Variants in RNF208 observed in about 807,000 individuals in gnomAD.
The protein encoded by RNF208 is ring finger protein 208.
In RNF208, 7 loss-of-function variants were observed where a neutral mutation model predicts 15.2. The observed-to-expected ratio is 0.46, with a 90% confidence interval of 0.26 to 0.86. RNF208 has a LOEUF of 0.86. Ranked by LOEUF, RNF208 falls within the 40% of genes least tolerant of loss-of-function variation. RNF208 has a pLI of 0.16. For synonymous variants in RNF208, 211 were observed against 163.2 expected (o/e 1.29, Z -2.23); for missense variants, 342 against 364.1 (o/e 0.94, Z 0.49).
At chr9:137,223,073 C>T (rs1484184522), upstream of RNF208, among the ~76,000 whole-genome samples, 2 of 152,244 alleles carry the variant, frequency 1.3e-5, no homozygotes, top group African/African-American at 2.4e-5. Context: ...CTGGCCAGAC[C>T]GCACCTGCTC....
rs1467849159 is a variant in RNF208, at chr9:137,220,385, G to A, written c.*42C>T. On this transcript the variant is annotated 3_prime_UTR_variant, in exon 2 of 2. Coordinates refer to ENST00000391553, the MANE Select transcript of RNF208 (RefSeq NM_031297.7). ...GCAGGGCCGGGTCCCTGAAGAAGCA[G>A]CGAGCGAGGCTCAGCGGGCAGTGGC... 3.3e-6 allele frequency: 5 copies of A among 1,511,338 alleles called. No homozygotes were observed. Among genetic ancestry groups the A allele is most frequent in the Non-Finnish European group, 4.4e-6 (5 of 1,128,452 alleles). The allele number at this position is 1,511,338 out of a possible 1,614,324, so 93.6% of individuals were successfully genotyped here. A position where few individuals can be genotyped will look rare whatever the true frequency, so the allele number is the denominator to read the frequency against.
upstream of RNF208, among the ~76,000 whole-genome samples, chr9:137,222,311 G>A (rs1029050481): frequency 3.4e-5 from 5 of 148,674 alleles, no homozygotes; most frequent in Admixed American, 3.3e-4. Context: ...CCCGTCTGGG[G>A]ACCCGCGCGG....
At chr9:137,222,582 GGGCCCACCGGTGCCTTCCCCCGTCCCC>G (rs1365568033), upstream of RNF208, among the ~76,000 whole-genome samples, 3 of 152,230 alleles carry the variant, frequency 2.0e-5, no homozygotes, top group African/African-American at 4.8e-5. Context: ...GCTGGTTCCA[GGGCCCACCGGTGCCTTCCCCCGTCCCC>G]GGCCCCCCGC....
Position 137,220,266 on chromosome 9 carries a change from AAG to A in RNF208, c.*159_*160del. 7.4e-6 allele frequency: 6 copies of A among 810,136 alleles called. No individual in the cohort carries two copies. Among genetic ancestry groups the A allele is most frequent in the Non-Finnish European group, 9.5e-6 (5 of 528,324 alleles). The allele number at this position is 810,136 out of a possible 1,614,324, so 50.2% of individuals were successfully genotyped here. A position where few individuals can be genotyped will look rare whatever the true frequency, so the allele number is the denominator to read the frequency against. ...CCAGGAACAGGTGCAAACTTTGGCAAAGAGTTTTAATGGCAAAGTTGGCTGCA... is the reference window on the plus strand; with the variant it reads ...CCAGGAACAGGTGCAAACTTTGGCAAAGTTTTAATGGCAAAGTTGGCTGCA... On this transcript the variant is annotated 3_prime_UTR_variant, in exon 2 of 2. Coordinates refer to ENST00000391553, the MANE Select transcript of RNF208 (RefSeq NM_031297.7).
Position 137,221,425 on chromosome 9 carries a change from G to A in RNF208, c.-213C>T, listed in dbSNP as rs1835869567. ...TCTGGTCCAGTCCTGGGAGGAGGAG[G>A]AAGGGGTGGGGGAGGGGGAGGCAGG... On this transcript the variant is annotated 5_prime_UTR_variant, in exon 2 of 2. Coordinates refer to ENST00000391553, the MANE Select transcript of RNF208 (RefSeq NM_031297.7). 1 of 241,684 alleles carries A rather than the reference G, an allele frequency of 4.1e-6. No individual in the cohort carries two copies. The highest frequency in any genetic ancestry group is 2.4e-5 in the African/African-American group (1 of 42,022). The allele number at this position is 241,684 out of a possible 1,614,324, so 15.0% of individuals were successfully genotyped here. A position where few individuals can be genotyped will look rare whatever the true frequency, so the allele number is the denominator to read the frequency against.
rs1299381435 is a variant in RNF208, at chr9:137,220,945, G to A, written c.268C>T (p.His90Tyr). 1 of 1,549,124 alleles carries A rather than the reference G, an allele frequency of 6.5e-7. No homozygotes were observed. Among genetic ancestry groups the A allele is most frequent in the East Asian group, 2.3e-5 (1 of 43,666 alleles). The change falls in exon 2 of 2, where the codon CAT becomes TAT. Residue 90 changes from histidine (H) to tyrosine (Y), a missense_variant. His to Tyr is a moderately conservative substitution (Grantham distance 83, BLOSUM62 2). Around this residue, in one of 3 missense-constraint regions of RNF208, gnomAD observed 207 missense variants for 193.7 expected, o/e 1.07. Coordinates refer to ENST00000391553, the MANE Select transcript of RNF208 (RefSeq NM_031297.7). ...GDMPALEGAP[H>Y]TPPLPRRPRK... ...GGCCGCCGTGGCAGTGGCGGGGTAT[G>A]GGGTGCCCCTTCCAAGGCAGGCATG...
At chr9:137,221,762 G>A (rs1424246292) in intron 1 of RNF208, among the ~76,000 whole-genome samples, 24 bp from the exon 2 acceptor site, 1 of 152,080 alleles carries the variant, frequency 6.6e-6, no homozygotes, top group African/African-American at 2.4e-5. Flanking sequence ...ACGGCATGAG[G>A]GCAGTGCCCC....
At position 137,220,715 on chromosome 9, in the gene RNF208, C is replaced by T. The variant is rs774629034; in HGVS notation, c.498G>A (p.Val166=). 1.9e-6 allele frequency: 3 copies of T among 1,612,584 alleles called. No individual in the cohort carries two copies. Among genetic ancestry groups the T allele is most frequent in the South Asian group, 1.1e-5 (1 of 91,080 alleles). Reference sequence around the variant, plus strand: ...AGAGAATCTGCAGGCACTGCTCACACACAGAGTGCAGGCAGGACAGCACGC... The same window carrying T: ...AGAGAATCTGCAGGCACTGCTCACATACAGAGTGCAGGCAGGACAGCACGC... ...RPRVLSCLHS[V]CEQCLQILYE... is the part of the protein sequence containing the mutation. The change falls in exon 2 of 2, where the codon GTG becomes GTA. Residue 166 remains valine, a synonymous_variant. Transcript: ENST00000391553.
In RNF208 at chr9:137,222,126, G is replaced by A. The variant is rs933202321; in HGVS notation, c.-664C>T. Among the ~76,000 whole-genome samples the A allele has an allele frequency of 4.1e-5, 6 of 146,766 alleles. No individual in the cohort carries two copies. Among genetic ancestry groups the A allele is most frequent in the African/African-American group, 1.2e-4 (5 of 40,904 alleles). On this transcript the variant is annotated 5_prime_UTR_variant, in exon 1 of 2. Coordinates refer to ENST00000391553, the MANE Select transcript of RNF208 (RefSeq NM_031297.7). ...TCCGGCGGCGGCCGCAGCGACCTCA[G>A]GCGATGGCGGGGCCCGGGCGGCACC...
At chr9:137,223,088 C>T (rs1292654592), upstream of RNF208, among the ~76,000 whole-genome samples, 2 of 152,254 alleles carry the variant, frequency 1.3e-5, no homozygotes, top group African/African-American at 2.4e-5. Flanking sequence ...CTGCTCTAGG[C>T]AGAGCCCCAG....
In RNF208 at chr9:137,220,985, C is replaced by A; in HGVS notation, c.228G>T (p.Gln76His). The change falls in exon 2 of 2, where the codon CAG becomes CAT. Residue 76 changes from glutamine (Q) to histidine (H), a missense_variant. Physicochemically the swap from Gln to His is conservative, Grantham distance 24. Transcript: ENST00000391553. ...WPSDTEIIVN[Q>H]ACGGDMPALE... Reference sequence around the variant, plus strand: ...AGGCAGGCATGTCCCCCCCACAGGCCTGGTTGACAATGATCTCTGTGTCTG... The same window carrying A: ...AGGCAGGCATGTCCCCCCCACAGGCATGGTTGACAATGATCTCTGTGTCTG... 6.4e-7 allele frequency: 1 copy of A among 1,560,742 alleles called. No individual in the cohort carries two copies. The highest frequency in any genetic ancestry group is 8.7e-7 in the Non-Finnish European group (1 of 1,150,174).
chr9:137,222,721 G>A (rs1034242222), upstream of RNF208, among the ~76,000 whole-genome samples: 12 of 152,258 alleles, frequency 7.9e-5, no homozygotes, highest in Non-Finnish European at 1.8e-4. Context: ...CGGGCGGAGC[G>A]GATCAGAAGG....
At position 137,220,376 on chromosome 9, in the gene RNF208, G is replaced by T. The variant is rs1835831551; in HGVS notation, c.*51C>A. 1.3e-6 allele frequency: 2 copies of T among 1,499,602 alleles called. No individual in the cohort carries two copies. Among genetic ancestry groups the T allele is most frequent in the Non-Finnish European group, 1.8e-6 (2 of 1,121,980 alleles). 92.9% of individuals were successfully genotyped at this position (1,499,602 alleles called of 1,614,324 possible). On this transcript the variant is annotated 3_prime_UTR_variant, in exon 2 of 2. Transcript: ENST00000391553. ...GGCGGCAGGGCAGGGCCGGGTCCCT[G>T]AAGAAGCAGCGAGCGAGGCTCAGCG... is the stretch of plus-strand genomic sequence containing the variant.
At position 137,220,361 on chromosome 9, in the gene RNF208, C is replaced by T; in HGVS notation, c.*66G>A. 6.8e-7 allele frequency: 1 copy of T among 1,465,808 alleles called. No homozygotes were observed. The highest frequency in any genetic ancestry group is 9.1e-7 in the Non-Finnish European group (1 of 1,101,398). 90.8% of individuals were successfully genotyped at this position (1,465,808 alleles called of 1,614,324 possible). On this transcript the variant is annotated 3_prime_UTR_variant, in exon 2 of 2. Coordinates refer to ENST00000391553, the MANE Select transcript of RNF208 (RefSeq NM_031297.7). ...AAGGAAGGGTCAGCGGGCGGCAGGGCAGGGCCGGGTCCCTGAAGAAGCAGC... is the reference window on the plus strand; with the variant it reads ...AAGGAAGGGTCAGCGGGCGGCAGGGTAGGGCCGGGTCCCTGAAGAAGCAGC...
chr9:137,220,300 A>G lies in RNF208; in HGVS notation c.*127T>C, dbSNP rs989956053. The G allele has an allele frequency of 2.5e-5, 26 of 1,058,518 alleles. No homozygotes were observed. The highest frequency in any genetic ancestry group is 3.3e-5 in the Non-Finnish European group (25 of 754,662). 65.6% of individuals were successfully genotyped at this position (1,058,518 alleles called of 1,614,324 possible). ...AATGGCAAAGTTGGCTGCAGCGACAATGCCACTCGGGGTGGGGCCGGAAGC... is the reference window on the plus strand; with the variant it reads ...AATGGCAAAGTTGGCTGCAGCGACAGTGCCACTCGGGGTGGGGCCGGAAGC... On this transcript the variant is annotated 3_prime_UTR_variant, in exon 2 of 2. Transcript: ENST00000391553.
rs1004899885 is a variant in RNF208 at position 137,222,037 on chromosome 9, C to T, written c.-575G>A. ...CGCGCGCCGCCGCCGCAGAGGTTGT[C>T]TCAAAGGCAGGCCCGGACGCGGCGC... On this transcript the variant is annotated 5_prime_UTR_variant, in exon 1 of 2. Transcript: ENST00000391553. Among the ~76,000 whole-genome samples the T allele has an allele frequency of 6.6e-6, 1 of 150,790 alleles. No homozygotes were observed. Among genetic ancestry groups the T allele is most frequent in the African/African-American group, 2.4e-5 (1 of 41,256 alleles).
In RNF208 at chr9:137,221,357, G is replaced by T; in HGVS notation, c.-145C>A. 2.1e-6 allele frequency: 1 copy of T among 474,324 alleles called. No homozygotes were observed. Among genetic ancestry groups the T allele is most frequent in the South Asian group, 4.8e-5 (1 of 20,834 alleles). 29.4% of individuals were successfully genotyped at this position (474,324 alleles called of 1,614,324 possible). A position where few individuals can be genotyped will look rare whatever the true frequency, so the allele number is the denominator to read the frequency against. ...GTGGACTCCTAGGGACAGCCGGCGA[G>T]AGTTGGGGGTGCAGGGCCCCCCCCA... is the stretch of plus-strand genomic sequence containing the variant. On this transcript the variant is annotated 5_prime_UTR_variant, in exon 2 of 2. Transcript: ENST00000391553.
upstream of RNF208, among the ~76,000 whole-genome samples, chr9:137,222,272 G>A (rs1277944030): frequency 6.8e-6 from 1 of 146,652 alleles, no homozygotes; most frequent in Non-Finnish European, 1.5e-5. Context: ...CAGTGCGCGC[G>A]GCGCCCGCCC....
Position 137,221,114 on chromosome 9 carries a change from C to T in RNF208, c.99G>A (p.Met33Ile), listed in dbSNP as rs1203727388. 2 of 1,604,700 alleles carry T rather than the reference C, an allele frequency of 1.2e-6. No individual in the cohort carries two copies. The highest frequency in any genetic ancestry group is 8.5e-7 in the Non-Finnish European group (1 of 1,175,666). The part of the protein sequence containing the change: ...GPHVILKMEA[M>I]KIVHPEKFPE... ...GGAACTTTTCAGGGTGGACAATCTT[C>T]ATGGCCTCCATCTTGAGGATGACAT... Residue 33 changes from methionine (M) to isoleucine (I), a missense_variant, in exon 2 of 2, where the codon ATG becomes ATA. This residue lies in a region of RNF208 where 207 missense variants were observed against 193.7 expected (regional missense o/e 1.07). Coordinates refer to ENST00000391553, the MANE Select transcript of RNF208 (RefSeq NM_031297.7).
Sources: gnomAD v4.1 joint callset for allele counts (sites outside exome capture counted in the v4.1 genomes callset) on GRCh38, gnomAD v4.1.1 for gene constraint, gnomAD v4.1.1 regional missense constraint, MANE v1.5 for transcripts, NCBI Gene and HGNC (gene_info 2026-07-23, HGNC 2026-07-21) for gene names.